Variants in DTNB observed in about 807,000 individuals in gnomAD.
The protein encoded by DTNB is DTN-B.
A neutral mutation model predicts 90.7 loss-of-function variants in DTNB; 63 were observed. The ratio of observed to expected loss-of-function variants is 0.69; its 90% CI spans 0.57 to 0.86. DTNB has a LOEUF of 0.86. DTNB is among the 40% of genes least tolerant of loss of function. DTNB has a pLI of 0.00. For synonymous variants in DTNB, 277 were observed against 286.7 expected (o/e 0.97, Z 0.34); for missense variants, 744 against 807.1 (o/e 0.92, Z 0.95).
chr2:25,621,870 T>C (rs1206608318), intron 4 of DTNB, among the ~76,000 whole-genome samples: 1 of 152,108 alleles, frequency 6.6e-6, no homozygotes, highest in Non-Finnish European at 1.5e-5. Context: ...AATCTTTCGA[T>C]TGTTCAAATT....
intron 12 of DTNB, among the ~76,000 whole-genome samples, chr2:25,450,793 G>A (rs1339342324): frequency 6.6e-6 from 1 of 151,970 alleles, no homozygotes; most frequent in African/African-American, 2.4e-5. Flanking sequence ...TATTTTTAAT[G>A]CTACAGTAAA....
chr2:25,531,816 T>C (rs2078262037), intron 8 of DTNB, among the ~76,000 whole-genome samples: 1 of 152,248 alleles, frequency 6.6e-6, no homozygotes, highest in African/African-American at 2.4e-5. Flanking sequence ...TCATGTTTAC[T>C]ATAAAGTCAC....
rs528918495 is a variant in DTNB, at chr2:25,668,628, G to C, written c.-2+4758C>G. On this transcript the variant is annotated intron_variant, in intron 1 of 20. Transcript: ENST00000406818. ...TAATAAATGTAGCATACTAATGCAAGATGTTAATAATAGGAGAAACCATAT... is the reference window on the plus strand; with the variant it reads ...TAATAAATGTAGCATACTAATGCAACATGTTAATAATAGGAGAAACCATAT... Among the ~76,000 whole-genome samples, 7 of 152,344 alleles carry C rather than the reference G, an allele frequency of 4.6e-5. No individual in the cohort carries two copies. In the South Asian group the frequency reaches 1.4e-3, roughly 32 times the overall value.
rs1175434749 is a variant in DTNB at position 25,633,156 on chromosome 2, T to G, written c.149-4772A>C. Among the ~76,000 whole-genome samples, 3 of 151,536 alleles carry G rather than the reference T, an allele frequency of 2.0e-5. No homozygotes were observed. The Admixed American group carries it at 2.0e-4, about 10-fold the overall frequency. On this transcript the variant is annotated intron_variant, in intron 3 of 20. Coordinates refer to ENST00000406818, the MANE Select transcript of DTNB (RefSeq NM_021907.5). ...GCAACATAACAATGAAATTTTAAAA[T>G]AGCTCTCCCTCTCCCTCTCCCTCTC...
intron 10 of DTNB, among the ~76,000 whole-genome samples, chr2:25,467,339 C>G (rs182387486): frequency 1.9e-4 from 29 of 149,174 alleles, no homozygotes; most frequent in Admixed American, 6.7e-4. Context: ...CACTCTGTCA[C>G]CTAGGCTGGA....
chr2:25,453,922 C>T (rs975389062), intron 11 of DTNB, among the ~76,000 whole-genome samples: 3 of 152,100 alleles, frequency 2.0e-5, no homozygotes, highest in Non-Finnish European at 2.9e-5. Context: ...CTGAGGCCGG[C>T]GGATCACGAG....
intron 8 of DTNB, among the ~76,000 whole-genome samples, chr2:25,533,988 TTA>T (rs1490088149): frequency 1.5e-5 from 2 of 132,714 alleles, no homozygotes; most frequent in African/African-American, 3.3e-5. Flanking sequence ...AATGCAGCGT[TTA>T]TTTTTTTTTT....
chr2:25,559,166 G>A (rs1484903459), intron 8 of DTNB, among the ~76,000 whole-genome samples: 1 of 152,062 alleles, frequency 6.6e-6, no homozygotes, highest in Non-Finnish European at 1.5e-5. Flanking sequence ...TTTTATTCCT[G>A]TGAGGCTCAG....
intron 4 of DTNB, among the ~76,000 whole-genome samples, chr2:25,625,551 A>ATTTTTTTTTTTTTTTTTT (rs66586812): frequency 1.9e-4 from 14 of 73,960 alleles, no homozygotes; most frequent in East Asian, 3.9e-4. Context: ...TAACTCACTC[A>ATTTTTTTTTTTTTTTTTT]TTTTTTTTTT....
At chr2:25,530,879 T>C (rs1340629405) in intron 9 of DTNB, among the ~76,000 whole-genome samples, 1 of 152,200 alleles carries the variant, frequency 6.6e-6, no homozygotes, top group Admixed American at 6.5e-5. Context: ...GGCTGAATCT[T>C]ACCCTTCACT....
chr2:25,656,722 G>C (rs1282094149), intron 1 of DTNB, among the ~76,000 whole-genome samples: 4 of 152,222 alleles, frequency 2.6e-5, no homozygotes, highest in Non-Finnish European at 5.9e-5. Context: ...GGCATACAGA[G>C]AAATCCAGTA....
chr2:25,531,594 A>T lies in DTNB; in HGVS notation c.880T>A (p.Ser294Thr), dbSNP rs746129347. 13 of 1,613,240 alleles carry T rather than the reference A, an allele frequency of 8.1e-6. No individual in the cohort carries two copies. Among genetic ancestry groups the T allele is most frequent in the Admixed American group, 3.3e-5 (2 of 59,774 alleles). ...GCATGGCTCAGCTTCTTTGCAGGAG[A>T]TTTCTGTGTCAAAGCAGAAAATAGT... ...HQMKEHSSWK[S>T]PAKKLSHAIS... The change falls in exon 9 of 21, where the codon TCT (serine) becomes ACT (threonine). Residue 294 changes from serine (S) to threonine (T), a missense_variant. Transcript: ENST00000406818.
At chr2:25,545,047 A>C (rs937488474) in intron 8 of DTNB, among the ~76,000 whole-genome samples, 57 of 152,022 alleles carry the variant, frequency 3.7e-4, no homozygotes, top group African/African-American at 1.4e-3. Context: ...CTCACCTTTC[A>C]CACTTTCCAT....
chr2:25,615,141 G>C (rs1360440759), intron 4 of DTNB, among the ~76,000 whole-genome samples: 2 of 152,128 alleles, frequency 1.3e-5, no homozygotes, highest in African/African-American at 4.8e-5. Context: ...ATTTATGAAG[G>C]ATATTATAAA....
chr2:25,408,538 CA>C (rs11395783), intron 16 of DTNB, among the ~76,000 whole-genome samples: 135 of 32,726 alleles, frequency 4.1e-3, no homozygotes, highest in Middle Eastern at 0.022. Context: ...GACTCCATCT[CA>C]AAAAAAAAAA....
intron 4 of DTNB, among the ~76,000 whole-genome samples, chr2:25,616,957 A>AG (rs2070876083): frequency 6.8e-6 from 1 of 147,814 alleles, no homozygotes; most frequent in African/African-American, 2.5e-5. Context: ...AAAAAAGGAA[A>AG]AAAAAGACTC....
At chr2:25,649,036 G>A (rs954730447) in intron 2 of DTNB, among the ~76,000 whole-genome samples, 5 of 112,988 alleles carry the variant, frequency 4.4e-5, no homozygotes, top group African/African-American at 1.8e-4. Context: ...ACGGAGTCTC[G>A]CTCTGTCGCC....
rs181360105 is a variant in DTNB at position 25,394,182 on chromosome 2, T to C, written c.1576-5821A>G. Among the ~76,000 whole-genome samples the C allele has an allele frequency of 2.2e-3, 331 of 152,260 alleles. 2 individuals carry two copies. Among genetic ancestry groups the C allele is most frequent in the Non-Finnish European group, 3.6e-3 (247 of 67,994 alleles). On this transcript the variant is annotated intron_variant, in intron 16 of 20. Coordinates refer to ENST00000406818, the MANE Select transcript of DTNB (RefSeq NM_021907.5). Reference sequence around the variant, plus strand: ...ACTTAACAAATGATGCTGAGATAACTGGCAAGACACATAGAAGAATGAAAC... The same window carrying C: ...ACTTAACAAATGATGCTGAGATAACCGGCAAGACACATAGAAGAATGAAAC...
intron 9 of DTNB, among the ~76,000 whole-genome samples, chr2:25,490,082 C>G (rs2067044311): frequency 6.6e-6 from 1 of 152,162 alleles, no homozygotes; most frequent in Non-Finnish European, 1.5e-5. Context: ...TCGAGACCAG[C>G]CTGAGCAACA....
Sources: allele counts gnomAD v4.1 joint callset (sites outside exome capture counted in the v4.1 genomes callset), GRCh38; gene constraint gnomAD v4.1.1; transcripts MANE v1.5; gene names NCBI Gene and HGNC (gene_info 2026-07-23, HGNC 2026-07-21).